Variants in COMMD10 observed in about 807,000 individuals in gnomAD.
The protein encoded by COMMD10 is COMM domain-containing protein 10.
Under a neutral mutation model 28.9 loss-of-function variants are expected in COMMD10, and 33 were observed. That is an observed-to-expected ratio of 1.14 (90% CI 0.87 to 1.53). The LOEUF is 1.53. Ranked by LOEUF, COMMD10 falls within the 40% of genes most tolerant of loss-of-function variation. The probability of loss-of-function intolerance (pLI) is 0.00; values close to 1 mark genes in which losing one functional copy is unlikely to be tolerated. For synonymous variants in COMMD10, 110 were observed against 81.7 expected (o/e 1.35, Z -1.87); for missense variants, 310 against 233.4 (o/e 1.33, Z -2.14).
intron 4 of COMMD10, among the ~76,000 whole-genome samples, chr5:116,098,023 A>T (rs1329915949): frequency 1.3e-5 from 2 of 152,210 alleles, no homozygotes; most frequent in Admixed American, 6.5e-5. Flanking sequence ...ACCATGTCAC[A>T]TACCTTTTAA....
chr5:116,165,632 G>A lies in COMMD10; in HGVS notation c.510+31454G>A, dbSNP rs114039526. ...GGTGTATCTGTGTGTGTGTTTGTGC[G>A]CACACACACGCGTGTGCACAGGGCT... On this transcript the variant is annotated intron_variant, in intron 5 of 6. Coordinates refer to ENST00000274458, the MANE Select transcript of COMMD10 (RefSeq NM_016144.4). 3.2e-3 allele frequency among the ~76,000 whole-genome samples: 485 copies of A among 152,034 alleles called. 3 individuals carry two copies. Among genetic ancestry groups the A allele is most frequent in the African/African-American group, 0.01 (432 of 41,474 alleles).
At chr5:116,172,683 G>A (rs1037129574) in intron 5 of COMMD10, among the ~76,000 whole-genome samples, 1 of 152,116 alleles carries the variant, frequency 6.6e-6, no homozygotes, top group South Asian at 2.1e-4. Flanking sequence ...ATCTTTTAGA[G>A]CAACAGCCCT....
intron 5 of COMMD10, among the ~76,000 whole-genome samples, chr5:116,274,317 T>C (rs1459550511): frequency 6.6e-6 from 1 of 151,906 alleles, no homozygotes; most frequent in Admixed American, 6.6e-5. Context: ...AACTTTCTTC[T>C]GTAAAACACC....
intron 5 of COMMD10, among the ~76,000 whole-genome samples, chr5:116,201,718 A>G (rs1748672516): frequency 6.6e-6 from 1 of 152,162 alleles, no homozygotes; most frequent in Non-Finnish European, 1.5e-5. Context: ...ACAGACTGAC[A>G]TGGACTGCAC....
At chr5:116,107,250 T>C (rs1040465107) in intron 4 of COMMD10, among the ~76,000 whole-genome samples, 1 of 152,214 alleles carries the variant, frequency 6.6e-6, no homozygotes, top group Non-Finnish European at 1.5e-5. Context: ...GAAGTTCTCC[T>C]GGATAATACC....
chr5:116,112,253 T>C (rs181584142), intron 4 of COMMD10, among the ~76,000 whole-genome samples: 85 of 152,300 alleles, frequency 5.6e-4, no homozygotes, highest in Non-Finnish European at 8.5e-4. Flanking sequence ...AAAGTATGCT[T>C]TATCTGATAA....
At chr5:116,159,395 G>C (rs1189673881) in intron 5 of COMMD10, among the ~76,000 whole-genome samples, 1 of 152,184 alleles carries the variant, frequency 6.6e-6, no homozygotes, top group Non-Finnish European at 1.5e-5. Context: ...ATGGATTGCT[G>C]TTTCCCTTCT....
At chr5:116,177,715 C>T (rs1252325781) in intron 5 of COMMD10, among the ~76,000 whole-genome samples, 5 of 152,078 alleles carry the variant, frequency 3.3e-5, no homozygotes, top group South Asian at 2.1e-4. Context: ...CTTACCTTTG[C>T]GTCTGGAAAA....
At chr5:116,246,041 G>T (rs1337809189) in intron 5 of COMMD10, among the ~76,000 whole-genome samples, 1 of 152,048 alleles carries the variant, frequency 6.6e-6, no homozygotes, top group East Asian at 1.9e-4. Context: ...GAGGAAGTCA[G>T]ACTATCCCTG....
intron 5 of COMMD10, among the ~76,000 whole-genome samples, chr5:116,237,683 T>C (rs1204170160): frequency 6.6e-6 from 1 of 152,144 alleles, no homozygotes; most frequent in Non-Finnish European, 1.5e-5. Flanking sequence ...TGAAGTACTC[T>C]TAGGAAATAT....
intron 5 of COMMD10, among the ~76,000 whole-genome samples, chr5:116,247,093 T>C (rs1749972505): frequency 6.6e-6 from 1 of 151,668 alleles, no homozygotes; most frequent in Non-Finnish European, 1.5e-5. Context: ...GTCTAATATC[T>C]AGTATCTATA....
At chr5:116,143,589 A>G (rs895121045) in intron 5 of COMMD10, among the ~76,000 whole-genome samples, 6 of 151,820 alleles carry the variant, frequency 4.0e-5, no homozygotes, top group Admixed American at 6.6e-5. Flanking sequence ...CAGAATTTTT[A>G]AAACAGAATA....
At chr5:116,235,465 G>C (rs185332460) in intron 5 of COMMD10, among the ~76,000 whole-genome samples, 2 of 152,078 alleles carry the variant, frequency 1.3e-5, no homozygotes, top group African/African-American at 4.8e-5. Flanking sequence ...CTGTTACTTA[G>C]CTCTCACCTC....
intron 5 of COMMD10, among the ~76,000 whole-genome samples, chr5:116,176,613 T>C (rs1034309155): frequency 6.6e-6 from 1 of 152,168 alleles, no homozygotes; most frequent in Non-Finnish European, 1.5e-5. Flanking sequence ...ATTCATATTT[T>C]AAAGTCTTAA....
chr5:116,269,496 G>T (rs938177032), intron 5 of COMMD10, among the ~76,000 whole-genome samples: 6 of 151,678 alleles, frequency 4.0e-5, no homozygotes, highest in African/African-American at 1.5e-4. Context: ...ATCTTATGCA[G>T]TTCAAGTTAG....
chr5:116,085,113 C>T lies in COMMD10; in HGVS notation c.41+20C>T, dbSNP rs763032209. On this transcript the variant is annotated intron_variant, in intron 1 of 6. Transcript: ENST00000274458. ...CCCCAGGTAGCTGATCCGTTAAGCT[C>T]TTGCGGTAGCCGCGCCCAGGAAGGC... The T allele has an allele frequency of 1.2e-6, 2 of 1,601,972 alleles. No homozygotes were observed. Among genetic ancestry groups the T allele is most frequent in the Middle Eastern group, 1.8e-4 (1 of 5,692 alleles).
chr5:116,251,926 C>G (rs1221300588), intron 5 of COMMD10, among the ~76,000 whole-genome samples: 2 of 149,950 alleles, frequency 1.3e-5, no homozygotes, highest in Non-Finnish European at 2.9e-5. Flanking sequence ...TAAAAGTGTT[C>G]CTATTTCTCC....
intron 5 of COMMD10, among the ~76,000 whole-genome samples, chr5:116,204,223 C>T (rs1748754080): frequency 6.6e-6 from 1 of 152,118 alleles, no homozygotes; most frequent in South Asian, 2.1e-4. Context: ...AATACAGGAG[C>T]ACCCGGATTC....
intron 5 of COMMD10, among the ~76,000 whole-genome samples, chr5:116,209,038 C>T (rs1398721486): frequency 6.6e-6 from 1 of 151,952 alleles, no homozygotes; most frequent in Non-Finnish European, 1.5e-5. Context: ...TCTTGGTGTA[C>T]TAATCTGATT....
Sources: allele counts gnomAD v4.1 joint callset (sites outside exome capture counted in the v4.1 genomes callset), GRCh38; gene constraint gnomAD v4.1.1; transcripts MANE v1.5; gene names NCBI Gene and HGNC (gene_info 2026-07-23, HGNC 2026-07-21).